SPTLC3: variants seen among roughly 807,000 people sequenced by gnomAD.
SPTLC3 encodes serine palmitoyltransferase 3.
A neutral mutation model predicts 59.3 loss-of-function variants in SPTLC3; 36 were observed. That is an observed-to-expected ratio of 0.61 (90% CI 0.47 to 0.80). SPTLC3 has a LOEUF of 0.80. Among genes scored for constraint, SPTLC3 ranks in the 30% least tolerant of loss-of-function variants. The pLI is 0.00. For synonymous variants in SPTLC3, 257 were observed against 240.8 expected (o/e 1.07, Z -0.62); for missense variants, 625 against 685.1 (o/e 0.91, Z 0.98).
chr20:13,028,120 A>G (rs1360331343), intron 1 of SPTLC3, among the ~76,000 whole-genome samples: 1 of 152,204 alleles, frequency 6.6e-6, no homozygotes, highest in Non-Finnish European at 1.5e-5. Flanking sequence ...GCAACATAAC[A>G]TGCTTTTCAA....
chr20:13,081,647 A>G (rs2122596634), intron 4 of SPTLC3, among the ~76,000 whole-genome samples: 1 of 152,294 alleles, frequency 6.6e-6, no homozygotes, highest in Non-Finnish European at 1.5e-5. Context: ...TAATTAACAT[A>G]TTTTTACGTA....
At position 13,085,553 on chromosome 20, in the gene SPTLC3, T is replaced by C. The variant is rs112405879; in HGVS notation, c.608-5530T>C. On this transcript the variant is annotated intron_variant, in intron 4 of 11. Transcript: ENST00000399002. ...GGAACAGTTTATGAACAGGACATTC[T>C]GGACCAAAAGTGGCTACGGTTACAA... Among the ~76,000 whole-genome samples the C allele has an allele frequency of 2.0e-3, 303 of 152,326 alleles. 1 individual carries two copies. Among genetic ancestry groups the C allele is most frequent in the African/African-American group, 7.0e-3 (289 of 41,574 alleles).
intron 2 of SPTLC3, among the ~76,000 whole-genome samples, chr20:13,067,249 A>C (rs1317068968): frequency 6.6e-6 from 1 of 151,976 alleles, no homozygotes; most frequent in African/African-American, 2.4e-5. Flanking sequence ...TGCCCACCAC[A>C]AAGCTTTGTC....
At chr20:13,079,809 C>T (rs1343683904) in intron 4 of SPTLC3, 4 of 467,690 alleles carry the variant, frequency 8.6e-6, no homozygotes, top group Admixed American at 2.4e-5. Context: ...CAAGCTGACT[C>T]AGTGCCACAG....
intron 2 of SPTLC3, among the ~76,000 whole-genome samples, chr20:13,066,640 T>G (rs756178515): frequency 1.4e-4 from 21 of 152,196 alleles, no homozygotes; most frequent in Admixed American, 6.5e-4. Flanking sequence ...GATAATTTTC[T>G]TCTGTGAAGT....
intron 9 of SPTLC3, among the ~76,000 whole-genome samples, chr20:13,148,175 G>A (rs2038559613): frequency 6.6e-6 from 1 of 152,200 alleles, no homozygotes; most frequent in Admixed American, 6.5e-5. Flanking sequence ...AAATGCCACT[G>A]ATCATTGTTT....
chr20:13,095,297 C>T (rs941655029), intron 6 of SPTLC3, among the ~76,000 whole-genome samples: 3 of 152,120 alleles, frequency 2.0e-5, no homozygotes, highest in African/African-American at 7.2e-5. Context: ...GAGACGTAGT[C>T]GGGGTGTTAT....
intron 1 of SPTLC3, among the ~76,000 whole-genome samples, chr20:13,020,941 T>C (rs531376794): frequency 2.6e-5 from 4 of 152,060 alleles, no homozygotes; most frequent in African/African-American, 4.8e-5. Flanking sequence ...TTATTATCTA[T>C]TAACATTAGC....
At chr20:13,126,555 T>C in intron 8 of SPTLC3, 36 bp from the exon 9 acceptor site, 1 of 1,610,632 alleles carries the variant, frequency 6.2e-7, no homozygotes, top group Non-Finnish European at 8.5e-7. Flanking sequence ...TTGAGATTTA[T>C]TTGCCTTCTT....
At chr20:13,147,476 C>T (rs2038541952) in intron 9 of SPTLC3, among the ~76,000 whole-genome samples, 1 of 152,078 alleles carries the variant, frequency 6.6e-6, no homozygotes, top group Non-Finnish European at 1.5e-5. Context: ...TCCTGCTGTC[C>T]ATTGAAACTT....
chr20:13,137,256 T>C (rs896082192), intron 9 of SPTLC3, among the ~76,000 whole-genome samples: 4 of 152,214 alleles, frequency 2.6e-5, no homozygotes, highest in African/African-American at 9.7e-5. Flanking sequence ...AGTTGGGAAG[T>C]ACTCAAAGCT....
At chr20:13,052,408 C>T (rs1987534979) in intron 2 of SPTLC3, among the ~76,000 whole-genome samples, 1 of 152,174 alleles carries the variant, frequency 6.6e-6, no homozygotes, top group Admixed American at 6.5e-5. Flanking sequence ...GGCGCCTACA[C>T]CACCAGGACC....
intron 2 of SPTLC3, among the ~76,000 whole-genome samples, chr20:13,064,208 G>A (rs1308395060): frequency 6.7e-6 from 1 of 149,390 alleles, no homozygotes; most frequent in Non-Finnish European, 1.5e-5. Flanking sequence ...TTTTTTTAAC[G>A]ATATTTCTAA....
At chr20:13,104,734 A>C (rs1028413029) in intron 6 of SPTLC3, among the ~76,000 whole-genome samples, 12 of 152,140 alleles carry the variant, frequency 7.9e-5, no homozygotes, top group Admixed American at 2.0e-4. Flanking sequence ...TGACTCAAGA[A>C]CCACACTGTA....
chr20:13,137,367 G>A (rs113416221), intron 9 of SPTLC3, among the ~76,000 whole-genome samples: 11 of 152,272 alleles, frequency 7.2e-5, no homozygotes, highest in South Asian at 2.1e-4. Context: ...CAGCTAATGG[G>A]ATGCTCCTCT....
intron 6 of SPTLC3, among the ~76,000 whole-genome samples, chr20:13,104,342 C>G (rs1306524563): frequency 6.6e-6 from 1 of 152,108 alleles, no homozygotes. Context: ...GGCGGTTCCC[C>G]CTATACTGTT....
At chr20:13,116,465 TTAATCCATTGAGTC>T (rs1359443543) in intron 7 of SPTLC3, among the ~76,000 whole-genome samples, 1 of 152,176 alleles carries the variant, frequency 6.6e-6, no homozygotes, top group Non-Finnish European at 1.5e-5. Context: ...TCAGATTTTT[TTAATCCATTGAGTC>T]CCAGAGGTGC....
chr20:13,150,533 GT>G (rs2038618895), intron 9 of SPTLC3, among the ~76,000 whole-genome samples: 1 of 152,210 alleles, frequency 6.6e-6, no homozygotes, highest in African/African-American at 2.4e-5. Flanking sequence ...CAAAGTAAAG[GT>G]TTTCAATGAG....
chr20:13,162,100 A>G (rs1568635370), intron 11 of SPTLC3, among the ~76,000 whole-genome samples: 1 of 152,240 alleles, frequency 6.6e-6, no homozygotes, highest in African/African-American at 2.4e-5. Flanking sequence ...TTAAGAAAAG[A>G]CAGGCAAAAC....
Sources: allele counts gnomAD v4.1 joint callset (sites outside exome capture counted in the v4.1 genomes callset), GRCh38; gene constraint gnomAD v4.1.1; transcripts MANE v1.5; gene names NCBI Gene and HGNC (gene_info 2026-07-23, HGNC 2026-07-21).